TNC: variants seen among roughly 807,000 people sequenced by gnomAD.
The protein encoded by TNC is tenascin C.
TNC carries 109 observed loss-of-function variants against 202.4 expected under a neutral mutation model. The ratio of observed to expected loss-of-function variants is 0.54; its 90% confidence interval spans 0.46 to 0.63. The LOEUF (loss-of-function observed/expected upper bound fraction) is 0.63. TNC is among the 30% of genes least tolerant of loss of function. TNC has a pLI of 0.00. For synonymous variants in TNC, 1,007 were observed against 1,089.7 expected, an observed-to-expected ratio of 0.92 and a Z score of 1.50; for missense variants, 2,756 against 2,833.3, an observed-to-expected ratio of 0.97 and a Z score of 0.62.
At chr9:115,100,384 T>C (rs1184941692) in intron 1 of TNC, among the ~76,000 whole-genome samples, 1 of 152,216 alleles carries the variant, frequency 6.6e-6, no homozygotes, top group Non-Finnish European at 1.5e-5. Flanking sequence ...TTAAGAATCA[T>C]TCTAAATCAT....
intron 23 of TNC, 77 bp from the exon 24 acceptor site, chr9:115,030,482 T>C (rs1010653926): frequency 5.6e-6 from 8 of 1,435,858 alleles, no homozygotes; most frequent in Non-Finnish European, 7.5e-6. Context: ...CTTAACTCTA[T>C]GGACTAGAAT....
chr9:115,059,522 G>C (rs1475866354), intron 14 of TNC, among the ~76,000 whole-genome samples: 1 of 152,166 alleles, frequency 6.6e-6, no homozygotes, highest in African/African-American at 2.4e-5. Flanking sequence ...AGATCAGAAA[G>C]GGCAACACCT....
intron 22 of TNC, among the ~76,000 whole-genome samples, chr9:115,032,828 C>A (rs542146898): frequency 3.8e-4 from 58 of 152,334 alleles, no homozygotes; most frequent in Non-Finnish European, 7.2e-4. Flanking sequence ...CTCTGTGCTG[C>A]TGTACAGAGG....
At chr9:115,029,542 G>C in intron 24 of TNC, 86 bp from the exon 25 acceptor site, 1 of 1,320,462 alleles carries the variant, frequency 7.6e-7, no homozygotes, top group Non-Finnish European at 1.1e-6. Flanking sequence ...GTGGCACTGT[G>C]GAGAGAGCAT....
intron 13 of TNC, 134 bp downstream of exon 13, chr9:115,062,783 A>AATATTTAG: frequency 3.0e-6 from 3 of 1,014,996 alleles, no homozygotes; most frequent in Non-Finnish European, 4.2e-6. Context: ...TCCAACACAG[A>AATATTTAG]CCTTCCTGAG....
intron 17 of TNC, 44 bp downstream of exon 17, chr9:115,046,366 T>C (rs1831193044): frequency 6.2e-6 from 10 of 1,603,828 alleles, no homozygotes; most frequent in Non-Finnish European, 7.7e-6. Context: ...AGAAGACCCC[T>C]GAGTCATGAC....
At chr9:115,077,130 G>T (rs999527961) in intron 7 of TNC, among the ~76,000 whole-genome samples, 1 of 152,132 alleles carries the variant, frequency 6.6e-6, no homozygotes, top group Admixed American at 6.5e-5. Context: ...TGCGATCTCG[G>T]CTCACTGCAA....
chr9:115,063,049 T>C lies in TNC; in HGVS notation c.3901A>G (p.Asn1301Asp). ...CGCAGGCTGCCAGGAACCGTGAGAT[T>C]GTGAGCCTCTTCCACCTGGTCAGCC... Reference protein sequence around the residue: ...QEADQVEEAHNLTVPGSLRSM... With the variant: ...QEADQVEEAHDLTVPGSLRSM... The change falls in exon 13 of 28, where the codon AAT (asparagine) becomes GAT (aspartate). Residue 1301 changes from asparagine to aspartate, a missense_variant. Physicochemically the swap from Asn to Asp is conservative, Grantham distance 23. Around this residue, in one of 2 missense-constraint regions of TNC, gnomAD observed 2,559 missense variants for 2,546.0 expected, o/e 1.01. Transcript: ENST00000350763. 2.5e-6 allele frequency: 4 copies of C among 1,614,114 alleles called. No homozygotes were observed. Among genetic ancestry groups the C allele is most frequent in the Non-Finnish European group, 3.4e-6 (4 of 1,180,024 alleles).
At position 115,057,150 on chromosome 9, in the gene TNC, T is replaced by C. The variant is rs200907336; in HGVS notation, c.4579+3A>G. 1.8e-4 allele frequency: 284 copies of C among 1,609,458 alleles called. 4 individuals carry two copies. The East Asian group carries it at 6.2e-3, about 35-fold the overall frequency. ...CGTTAGAAATGGGAGAATGCACATG[T>C]ACCTGTCGTGGCTGTGGCACTGATG... On this transcript the variant is annotated splice_donor_region_variant and intron_variant, in intron 15 of 27. Coordinates refer to ENST00000350763, the MANE Select transcript of TNC (RefSeq NM_002160.4).
At chr9:115,048,204 G>T in intron 16 of TNC, 56 bp downstream of exon 16, 2 of 1,584,044 alleles carry the variant, frequency 1.3e-6, no homozygotes, top group Non-Finnish European at 1.7e-6. Flanking sequence ...CCGGTAGACA[G>T]ATTACACAGA....
At chr9:115,041,107 T>C (rs762922906) in intron 18 of TNC, 23 bp from the exon 19 acceptor site, 2 of 1,594,242 alleles carry the variant, frequency 1.3e-6, no homozygotes, top group Admixed American at 1.7e-5. Flanking sequence ...AAAAGCAAGA[T>C]GAGGAATAAT....
intron 19 of TNC, among the ~76,000 whole-genome samples, chr9:115,040,570 G>A (rs118080851): frequency 6.6e-6 from 1 of 152,314 alleles, no homozygotes; most frequent in East Asian, 1.9e-4. Flanking sequence ...AATTGTGTCT[G>A]TTTTACAGAG....
In TNC at chr9:115,087,041, C is replaced by T. The variant is rs1834813109; in HGVS notation, c.690G>A (p.Lys230=). ...AACAGATGCAGACTCCATTTACGCA[C>T]TTGCCCTGGTCATTGCAGTCGCTGG... ...ACPSDCNDQG[K]CVNGVCICFE... Residue 230 remains lysine (K), a synonymous_variant, in exon 3 of 28, where the codon AAG becomes AAA. Transcript: ENST00000350763. The T allele has an allele frequency of 6.2e-7, 1 of 1,613,288 alleles. No individual in the cohort carries two copies. The highest frequency in any genetic ancestry group is 1.3e-5 in the African/African-American group (1 of 74,886).
At chr9:115,023,328 G>A (rs888824808) in intron 27 of TNC, among the ~76,000 whole-genome samples, 2 of 152,178 alleles carry the variant, frequency 1.3e-5, no homozygotes, top group East Asian at 1.9e-4. Context: ...TTTCAGGAAT[G>A]TGCCAGTGTA....
At chr9:115,077,842 C>T (rs976884180) in intron 7 of TNC, 101 bp downstream of exon 7, 25 of 1,250,470 alleles carry the variant, frequency 2.0e-5, no homozygotes, top group South Asian at 1.3e-4. Flanking sequence ...TTTCATTTTT[C>T]GTACTGTAAA....
intron 18 of TNC, among the ~76,000 whole-genome samples, chr9:115,041,903 G>T (rs1364767620): frequency 6.6e-6 from 1 of 152,192 alleles, no homozygotes; most frequent in Non-Finnish European, 1.5e-5. Flanking sequence ...ATGAGTGTGC[G>T]CAGGGAGAGA....
chr9:115,036,669 T>A (rs538246754), intron 20 of TNC, among the ~76,000 whole-genome samples: 24 of 152,298 alleles, frequency 1.6e-4, no homozygotes, highest in African/African-American at 5.8e-4. Context: ...CTAAGTGTCA[T>A]CAAGTCATTA....
chr9:115,101,428 G>T (rs564645286), intron 1 of TNC, among the ~76,000 whole-genome samples: 1 of 152,226 alleles, frequency 6.6e-6, no homozygotes, highest in East Asian at 1.9e-4. Flanking sequence ...GACCAGGCTG[G>T]TCTCGAACTC....
chr9:115,025,529 A>G (rs1025791379), intron 26 of TNC, among the ~76,000 whole-genome samples: 11 of 152,112 alleles, frequency 7.2e-5, no homozygotes, highest in Admixed American at 3.9e-4. Context: ...CATGGGTTGC[A>G]TGGGGGTGGT....
Sources: allele counts gnomAD v4.1 joint callset (sites outside exome capture counted in the v4.1 genomes callset), GRCh38; gene constraint gnomAD v4.1.1; regional missense constraint gnomAD v4.1.1; transcripts MANE v1.5; gene names NCBI Gene and HGNC (gene_info 2026-07-23, HGNC 2026-07-21).